Variants in CATSPERE observed in about 807,000 individuals in gnomAD.
CATSPERE encodes cation channel sperm-associated auxiliary subunit epsilon.
A neutral mutation model predicts 114.1 loss-of-function variants in CATSPERE; 93 were observed. That is an observed-to-expected ratio of 0.81 (90% confidence interval 0.69 to 0.97). CATSPERE has a LOEUF of 0.97. Among genes scored for constraint, CATSPERE ranks in the 50% least tolerant of loss-of-function variants. The pLI is 0.00. For synonymous variants in CATSPERE, 341 were observed against 384.1 expected, an observed-to-expected ratio of 0.89 and a Z score of 1.31; for missense variants, 1,058 against 1,131.6, an observed-to-expected ratio of 0.93 and a Z score of 0.93.
At chr1:244,494,873 A>C (rs1470996361) in intron 6 of CATSPERE, among the ~76,000 whole-genome samples, 1 of 152,198 alleles carries the variant, frequency 6.6e-6, no homozygotes, top group Non-Finnish European at 1.5e-5. Context: ...CTCCTACTCC[A>C]AATCCCATTG....
intron 8 of CATSPERE, among the ~76,000 whole-genome samples, chr1:244,519,479 G>A (rs3006053): frequency 6.6e-6 from 1 of 152,074 alleles, no homozygotes; most frequent in African/African-American, 2.4e-5. Context: ...TGTGTGGAGT[G>A]TGCATGCTCT....
intron 8 of CATSPERE, among the ~76,000 whole-genome samples, chr1:244,535,248 G>A (rs998677332): frequency 1.3e-5 from 2 of 152,094 alleles, no homozygotes; most frequent in Non-Finnish European, 2.9e-5. Flanking sequence ...CCCAAGGCCC[G>A]CTGTAACCTG....
Position 244,607,302 on chromosome 1 carries a change from G to T in CATSPERE, c.2403+1508G>T, listed in dbSNP as rs1670134419. 6.6e-6 allele frequency among the ~76,000 whole-genome samples: 1 copy of T among 152,132 alleles called. No homozygotes were observed. The highest frequency in any genetic ancestry group is 2.1e-4 in the South Asian group (1 of 4,832). ...ACTAAGAGATACAGTATCATTTCCA[G>T]GTCATTCTCTCTTCACTCTAAGTAA... is the stretch of plus-strand genomic sequence containing the variant. On this transcript the variant is annotated intron_variant, in intron 18 of 21. Transcript: ENST00000366534. This position sits in a 1 kb window ranked among gnomAD's most constrained non-coding sequence, Gnocchi z 4.4.
At chr1:244,483,839 T>C (rs772416253) in intron 5 of CATSPERE, among the ~76,000 whole-genome samples, 25 of 152,114 alleles carry the variant, frequency 1.6e-4, no homozygotes, top group Non-Finnish European at 8.8e-5. Context: ...CTTTCCTTTG[T>C]GGGTTTATGC....
intron 21 of CATSPERE, among the ~76,000 whole-genome samples, chr1:244,637,067 C>T (rs995780567): frequency 3.3e-5 from 5 of 152,154 alleles, no homozygotes; most frequent in African/African-American, 1.2e-4. Flanking sequence ...CCCGAGGACA[C>T]TGCTCCACCT....
chr1:244,613,947 G>A (rs1368737291), intron 19 of CATSPERE, among the ~76,000 whole-genome samples: 2 of 152,064 alleles, frequency 1.3e-5, no homozygotes, highest in Admixed American at 6.6e-5. Flanking sequence ...CATGGGAGTG[G>A]GACCGGCAGT....
intron 9 of CATSPERE, among the ~76,000 whole-genome samples, chr1:244,554,358 A>G (rs919577131): frequency 2.6e-5 from 4 of 151,868 alleles, no homozygotes; most frequent in African/African-American, 9.7e-5. Context: ...TTATTTATCT[A>G]TTTTTGTCAT....
chr1:244,622,768 A>G (rs1573059223), intron 20 of CATSPERE, among the ~76,000 whole-genome samples: 1 of 152,052 alleles, frequency 6.6e-6, no homozygotes, highest in East Asian at 1.9e-4. Context: ...ACACCTCCAA[A>G]TCTTACTCAC....
chr1:244,618,120 A>G (rs1469488443), intron 20 of CATSPERE, among the ~76,000 whole-genome samples: 1 of 152,244 alleles, frequency 6.6e-6, no homozygotes, highest in Non-Finnish European at 1.5e-5. Flanking sequence ...GGAAAGATTA[A>G]TGCTATTTTG....
rs575164720 is a variant in CATSPERE at position 244,544,749 on chromosome 1, G to T, written c.537-7573G>T. Among the ~76,000 whole-genome samples the T allele has an allele frequency of 5.5e-3, 840 of 152,354 alleles. 3 individuals carry two copies. The highest frequency in any genetic ancestry group is 9.5e-3 in the Non-Finnish European group (646 of 68,024). On this transcript the variant is annotated intron_variant, in intron 8 of 21. Coordinates refer to ENST00000366534, the MANE Select transcript of CATSPERE (RefSeq NM_001130957.2). The stretch of plus-strand genomic sequence containing the variant: ...GGTGCAGAAGACAGATGGATCAGTG[G>T]ACAGTGGGTTGTCATATGCTTAACC...
intron 6 of CATSPERE, among the ~76,000 whole-genome samples, chr1:244,490,907 T>A (rs1339026725): frequency 1.3e-5 from 2 of 152,128 alleles, no homozygotes; most frequent in Non-Finnish European, 2.9e-5. Flanking sequence ...TCTTTAAATG[T>A]TCTCAATTTT....
chr1:244,617,608 A>C lies in CATSPERE; in HGVS notation c.2570A>C (p.Asn857Thr). Residue 857 changes from asparagine (N) to threonine (T), a missense_variant, in exon 20 of 22, where the codon AAT becomes ACT. This residue lies in a region of CATSPERE where 787 missense variants were observed against 905.6 expected (regional missense o/e 0.87). Transcript: ENST00000366534. Reference protein sequence around the residue: ...NQPYEIINSSNGNHIFWPMGH... With the variant: ...NQPYEIINSSTGNHIFWPMGH... ...CCATACGAGATTATCAACAGTTCTAATGGTAACCATATATTTTGGCCCATG... is the reference window on the plus strand; with the variant it reads ...CCATACGAGATTATCAACAGTTCTACTGGTAACCATATATTTTGGCCCATG... 6.5e-7 allele frequency: 1 copy of C among 1,544,180 alleles called. No homozygotes were observed. Among genetic ancestry groups the C allele is most frequent in the South Asian group, 1.2e-5 (1 of 82,022 alleles).
At chr1:244,493,184 G>T in intron 6 of CATSPERE, among the ~76,000 whole-genome samples, 1 of 152,168 alleles carries the variant, frequency 6.6e-6, no homozygotes, top group Non-Finnish European at 1.5e-5. Flanking sequence ...CATGCTACCT[G>T]ACTTCAAACT....
In CATSPERE at chr1:244,581,795, G is replaced by A; in HGVS notation, c.1951-1G>A. ...ATAAATTTTAAATTTTCTTTTTTCA[G>A]ACACTAACATTTTATCAGAATGTAG... On this transcript the variant is annotated splice_acceptor_variant, in intron 11 of 21. Coordinates refer to ENST00000366534, the MANE Select transcript of CATSPERE (RefSeq NM_001130957.2). LOFTEE classifies it high-confidence loss of function. 7.7e-7 allele frequency: 1 copy of A among 1,304,142 alleles called. No homozygotes were observed. 80.8% of individuals were successfully genotyped at this position (1,304,142 alleles called of 1,614,324 possible). A position where few individuals can be genotyped will look rare whatever the true frequency, so the allele number is the denominator to read the frequency against.
intron 8 of CATSPERE, among the ~76,000 whole-genome samples, chr1:244,546,244 C>T (rs955011543): frequency 1.3e-5 from 2 of 152,174 alleles, no homozygotes; most frequent in Non-Finnish European, 1.5e-5. Flanking sequence ...TGGTCCTGGG[C>T]TTAAGGTGCC....
At chr1:244,553,509 A>T (rs112685752) in intron 9 of CATSPERE, among the ~76,000 whole-genome samples, 1 of 143,766 alleles carries the variant, frequency 7.0e-6, no homozygotes, top group South Asian at 2.3e-4. Flanking sequence ...TGAACCCGGG[A>T]GGCGGAGCTT....
chr1:244,495,294 GTTTTA>G (rs1393610551), intron 6 of CATSPERE, among the ~76,000 whole-genome samples: 3 of 151,686 alleles, frequency 2.0e-5, no homozygotes, highest in African/African-American at 7.3e-5. Flanking sequence ...TTCCTTTTTT[GTTTTA>G]TTTTATAGTT....
At chr1:244,577,022 G>A (rs979113179) in intron 11 of CATSPERE, among the ~76,000 whole-genome samples, 3 of 151,706 alleles carry the variant, frequency 2.0e-5, no homozygotes. Context: ...ATGTAACCTT[G>A]CTCATAATGC....
At chr1:244,459,538 C>A (rs900304228), upstream of CATSPERE, among the ~76,000 whole-genome samples, 1 of 152,102 alleles carries the variant, frequency 6.6e-6, no homozygotes, top group Admixed American at 6.5e-5. Flanking sequence ...GTAAACAAAT[C>A]GGTTCTATCA....
Sources: gnomAD v4.1 joint callset for allele counts (sites outside exome capture counted in the v4.1 genomes callset) on GRCh38, gnomAD v4.1.1 for gene constraint, gnomAD v4.1.1 regional missense constraint, Gnocchi (gnomAD v3.1) non-coding constraint, MANE v1.5 for transcripts, NCBI Gene and HGNC (gene_info 2026-07-23, HGNC 2026-07-21) for gene names.